The following ARB2A variants were observed in gnomAD, a reference collection of about 807,000 sequenced individuals.
ARB2A encodes ARB2 cotranscriptional regulator A.
chr5:94,091,249 T>C, the ARB2A span, among the ~76,000 whole-genome samples: 15 of 152,370 alleles, frequency 9.8e-5, no homozygotes, highest in Admixed American at 2.0e-4. Flanking sequence ...TTTTCAATTA[T>C]GAAACTGAAA....
At chr5:93,965,907 A>C in the ARB2A span, among the ~76,000 whole-genome samples, 1 of 152,092 alleles carries the variant, frequency 6.6e-6, no homozygotes, top group African/African-American at 2.4e-5. Context: ...TATTAGATGT[A>C]TGCTAGAACA....
the ARB2A span, among the ~76,000 whole-genome samples, chr5:94,094,133 T>C: frequency 6.6e-6 from 1 of 152,232 alleles, no homozygotes. Context: ...TATTACAATT[T>C]GTATTAGTCT....
the ARB2A span, chr5:93,865,772 T>C: frequency 1.0e-6 from 1 of 985,438 alleles, no homozygotes; most frequent in Non-Finnish European, 1.2e-6. Flanking sequence ...CTGACTATAA[T>C]GATGCATAAA....
At chr5:93,767,179 T>TA in the ARB2A span, among the ~76,000 whole-genome samples, 4 of 152,012 alleles carry the variant, frequency 2.6e-5, no homozygotes, top group African/African-American at 4.8e-5. Context: ...CCTTAAAACT[T>TA]AAAGTATAAT....
chr5:93,765,568 ATTCCATGC>A, the ARB2A span, among the ~76,000 whole-genome samples: 3 of 152,252 alleles, frequency 2.0e-5, no homozygotes, highest in Non-Finnish European at 2.9e-5. Flanking sequence ...ATGGAAGAAC[ATTCCATGC>A]TCATGGGTAG....
the ARB2A span, among the ~76,000 whole-genome samples, chr5:93,794,570 T>C: frequency 6.6e-6 from 1 of 152,188 alleles, no homozygotes; most frequent in South Asian, 2.1e-4. Flanking sequence ...AATCTGGGAT[T>C]CAAGGGCTGC....
chr5:93,796,500 T>C, the ARB2A span, among the ~76,000 whole-genome samples: 1 of 152,142 alleles, frequency 6.6e-6, no homozygotes, highest in Non-Finnish European at 1.5e-5. Context: ...TTGACACCCA[T>C]CTGTAAATGA....
chr5:93,658,306 C>A, the ARB2A span, among the ~76,000 whole-genome samples: 2 of 152,086 alleles, frequency 1.3e-5, no homozygotes, highest in Middle Eastern at 3.4e-3. Flanking sequence ...TAGATTTTTC[C>A]ATCTTTGGTC....
At chr5:93,923,101 T>A in the ARB2A span, among the ~76,000 whole-genome samples, 3 of 152,044 alleles carry the variant, frequency 2.0e-5, no homozygotes, top group African/African-American at 4.8e-5. Context: ...CTCAGCCTAT[T>A]CAACATGAAG....
At chr5:93,805,547 G>A in the ARB2A span, 3 of 984,916 alleles carry the variant, frequency 3.0e-6, no homozygotes, top group African/African-American at 1.8e-5. Context: ...TAAAACAGCA[G>A]GCATCATACA....
the ARB2A span, among the ~76,000 whole-genome samples, chr5:93,979,467 C>T: frequency 3.9e-5 from 6 of 151,926 alleles, no homozygotes; most frequent in Non-Finnish European, 7.4e-5. Context: ...TTACGTTTTA[C>T]AAAATGGGAA....
chr5:94,002,590 T>C, the ARB2A span, among the ~76,000 whole-genome samples: 1 of 152,114 alleles, frequency 6.6e-6, no homozygotes, highest in Non-Finnish European at 1.5e-5. Context: ...TCACTTCTCT[T>C]ACGAATCTAA....
chr5:93,695,972 G>A, the ARB2A span, among the ~76,000 whole-genome samples: 1 of 152,118 alleles, frequency 6.6e-6, no homozygotes, highest in South Asian at 2.1e-4. Flanking sequence ...ACTTATAAGT[G>A]GGAGTTGAGC....
chr5:93,692,015 C>G, the ARB2A span, among the ~76,000 whole-genome samples: 1 of 152,102 alleles, frequency 6.6e-6, no homozygotes, highest in African/African-American at 2.4e-5. Flanking sequence ...TACAAGAGCT[C>G]CTGAAGGAAG....
the ARB2A span, among the ~76,000 whole-genome samples, chr5:93,763,308 C>T: frequency 1.2e-3 from 187 of 152,218 alleles, no homozygotes; most frequent in African/African-American, 4.3e-3. Context: ...ACCCATCTCA[C>T]ATGCAGAGAC....
the ARB2A span, chr5:94,053,102 T>TAGAA: frequency 1.4e-5 from 18 of 1,309,744 alleles, no homozygotes; most frequent in Non-Finnish European, 2.2e-6. Context: ...GATAGATAGA[T>TAGAA]AGATAGATAG....
At chr5:94,058,302 C>G in the ARB2A span, among the ~76,000 whole-genome samples, 1 of 151,964 alleles carries the variant, frequency 6.6e-6, no homozygotes, top group Admixed American at 6.6e-5. Context: ...AGAAGAAAAT[C>G]CAGCATCCAA....
the ARB2A span, among the ~76,000 whole-genome samples, chr5:93,917,502 A>G: frequency 6.6e-6 from 1 of 152,282 alleles, no homozygotes; most frequent in South Asian, 2.1e-4. Flanking sequence ...TTATTCAATC[A>G]TCAAATGTTT....
At chr5:93,746,750 T>C in the ARB2A span, among the ~76,000 whole-genome samples, 1 of 152,252 alleles carries the variant, frequency 6.6e-6, no homozygotes, top group Admixed American at 6.5e-5. Flanking sequence ...TAAAATGATA[T>C]TAAGTATAAA....
Sources: allele counts gnomAD v4.1 joint callset (sites outside exome capture counted in the v4.1 genomes callset), GRCh38; gene constraint gnomAD v4.1.1; transcripts MANE v1.5; gene names NCBI Gene and HGNC (gene_info 2026-07-23, HGNC 2026-07-21).